Variants in NUMA1 observed in about 807,000 individuals in gnomAD.
NUMA1 encodes nuclear mitotic apparatus protein 1, also known as SP-H antigen.
Under a neutral mutation model 237.1 loss-of-function variants are expected in NUMA1, and 62 were observed. The ratio of observed to expected loss-of-function variants is 0.26; its 90% CI spans 0.21 to 0.32. The LOEUF (loss-of-function observed/expected upper bound fraction) is 0.32, where lower values mean the gene tolerates loss of function less well. Ranked by LOEUF, NUMA1 falls within the 10% of genes least tolerant of loss-of-function variation. The probability of loss-of-function intolerance (pLI) is 1.00; values close to 1 mark genes in which losing one functional copy is unlikely to be tolerated. For missense variants in NUMA1, 2,533 were observed against 2,666.5 expected, an observed-to-expected ratio of 0.95 and a Z score of 1.10; for synonymous variants, 1,028 against 1,066.1, an observed-to-expected ratio of 0.96 and a Z score of 0.70.
chr11:72,071,068 A>G (rs1943429252), intron 1 of NUMA1, among the ~76,000 whole-genome samples: 2 of 152,332 alleles, frequency 1.3e-5, no homozygotes, highest in South Asian at 4.1e-4. Flanking sequence ...GAACCCTCAA[A>G]GTCACTTTTC....
chr11:72,052,985 A>G (rs1258609098), intron 2 of NUMA1, among the ~76,000 whole-genome samples: 1 of 152,212 alleles, frequency 6.6e-6, no homozygotes, highest in Non-Finnish European at 1.5e-5. Context: ...GGCTAAGATT[A>G]CAAGGTCTGA....
intron 20 of NUMA1, 68 bp from the exon 21 acceptor site, chr11:72,007,503 A>G: frequency 6.4e-7 from 1 of 1,571,246 alleles, no homozygotes. Context: ...GCCCTTTTTG[A>G]AAGTGACCAT....
intron 3 of NUMA1, among the ~76,000 whole-genome samples, chr11:72,029,503 G>A (rs1940017827): frequency 6.6e-6 from 1 of 152,140 alleles, no homozygotes; most frequent in African/African-American, 2.4e-5. Context: ...CCCTTCCTTT[G>A]GCTTCAACTA....
rs149184541 is a variant in NUMA1 at position 72,014,588 on chromosome 11, C to T, written c.2915G>A (p.Arg972Gln). The T allele has an allele frequency of 0.011, 17,330 of 1,605,380 alleles. 120 individuals carry two copies. The highest frequency in any genetic ancestry group is 0.013 in the Non-Finnish European group (15,681 of 1,179,982). Residue 972 changes from arginine (R) to glutamine (Q), a missense_variant, in exon 15 of 27, where the codon CGG becomes CAG. This residue lies in a region of NUMA1 where 1,414 missense variants were observed against 1,508.1 expected (regional missense o/e 0.94). Transcript: ENST00000393695. The surrounding 1 kb of genome is among the most constrained non-coding windows in gnomAD (Gnocchi z 4.6). ...CTCATTGCCCATCTGCTCTGCCTCCCGCTCCATAGCCTGCAGCGCTGCCTG... is the reference window on the plus strand; with the variant it reads ...CTCATTGCCCATCTGCTCTGCCTCCTGCTCCATAGCCTGCAGCGCTGCCTG... ...STQAALQAME[R>Q]EAEQMGNELE...
chr11:72,046,437 G>A (rs936782221), intron 2 of NUMA1, among the ~76,000 whole-genome samples: 11 of 152,128 alleles, frequency 7.2e-5, no homozygotes, highest in Admixed American at 3.9e-4. Context: ...CCAGCTATTC[G>A]GGAGGCTGAG....
At chr11:72,018,673 A>G (rs1238408286) in intron 10 of NUMA1, 150 bp downstream of exon 10, 1 of 1,116,032 alleles carries the variant, frequency 9.0e-7, no homozygotes. Flanking sequence ...GGGGACAAAG[A>G]CAGAACCTAG....
rs759123472 is a variant in NUMA1 at position 72,007,297 on chromosome 11, G to T, written c.5355C>A (p.Pro1785=). 63 of 1,613,242 alleles carry T rather than the reference G, an allele frequency of 3.9e-5. No individual in the cohort carries two copies. Among genetic ancestry groups the T allele is most frequent in the Non-Finnish European group, 5.2e-5 (61 of 1,179,768 alleles). The change falls in exon 21 of 27, where the codon CCC becomes CCA. Residue 1785 remains proline (P), a synonymous_variant. Transcript: ENST00000393695. ...FTPIPARSQA[P]LESSLDSLGD... ...CCAGGGAGTCCAGGCTGCTCTCCAG[G>T]GGGGCCTGACTCCGAGCAGGGATGG...
rs780282425 is a variant in NUMA1, at chr11:72,013,887, C to T, written c.3616G>A (p.Glu1206Lys). The T allele has an allele frequency of 9.9e-6, 16 of 1,613,972 alleles. No individual in the cohort carries two copies. Among genetic ancestry groups the T allele is most frequent in the Non-Finnish European group, 1.3e-5 (15 of 1,180,038 alleles). ...RTKVQDHSKA[E>K]DEWKAQVARG... ...GCCACCTGGGCCTTCCACTCATCTTCAGCCTTGCTGTGGTCTTGTACCTTG... is the reference window on the plus strand; with the variant it reads ...GCCACCTGGGCCTTCCACTCATCTTTAGCCTTGCTGTGGTCTTGTACCTTG... Residue 1206 changes from glutamate to lysine, a missense_variant, in exon 15 of 27, where the codon GAA (glutamate) becomes AAA (lysine). Glu to Lys is a moderately conservative substitution (Grantham distance 56, BLOSUM62 1). This residue lies in a region of NUMA1 where 1,414 missense variants were observed against 1,508.1 expected (regional missense o/e 0.94). Coordinates refer to ENST00000393695, the MANE Select transcript of NUMA1 (RefSeq NM_006185.4). This position sits in a 1 kb window ranked among gnomAD's most constrained non-coding sequence, Gnocchi z 6.8.
chr11:72,009,683 G>A (rs550801823), intron 17 of NUMA1, among the ~76,000 whole-genome samples: 312 of 151,490 alleles, frequency 2.1e-3, no homozygotes, highest in Non-Finnish European at 3.1e-3. Context: ...ACAATCTCCC[G>A]TAGGAGGAAG....
At chr11:72,021,770 A>AT (rs1210872749) in intron 7 of NUMA1, among the ~76,000 whole-genome samples, 1 of 151,976 alleles carries the variant, frequency 6.6e-6, no homozygotes, top group African/African-American at 2.4e-5. Context: ...CACCCAGCTC[A>AT]TTTTTTTTAA....
intron 1 of NUMA1, among the ~76,000 whole-genome samples, chr11:72,075,347 T>A (rs917233882): frequency 2.0e-5 from 3 of 152,176 alleles, no homozygotes; most frequent in African/African-American, 7.2e-5. Flanking sequence ...AGGGACTTCC[T>A]CCTTCTTGTA....
intron 2 of NUMA1, among the ~76,000 whole-genome samples, chr11:72,054,510 T>C (rs759106787): frequency 1.3e-5 from 2 of 152,094 alleles, no homozygotes; most frequent in Admixed American, 1.3e-4. Context: ...CAATTTCCAT[T>C]CATTTGAACA....
At chr11:72,049,185 T>C (rs1942168786) in intron 2 of NUMA1, among the ~76,000 whole-genome samples, 1 of 152,108 alleles carries the variant, frequency 6.6e-6, no homozygotes. Flanking sequence ...TCAACATATC[T>C]AGCACAATGT....
At position 72,012,802 on chromosome 11, in the gene NUMA1, G is replaced by A. The variant is rs188333769; in HGVS notation, c.4608+93C>T. The A allele has an allele frequency of 1.4e-5, 21 of 1,513,196 alleles. No homozygotes were observed. In the East Asian group the frequency reaches 4.5e-4, roughly 33 times the overall value. 93.7% of individuals were successfully genotyped at this position (1,513,196 alleles called of 1,614,324 possible). A position where few individuals can be genotyped will look rare whatever the true frequency, so the allele number is the denominator to read the frequency against. ...GAATGAGGAAAGGCAAGACACTCCA[G>A]TGTAGGAGCTAGAGGCCCTGGACAC... On this transcript the variant is annotated intron_variant, in intron 15 of 26. Coordinates refer to ENST00000393695, the MANE Select transcript of NUMA1 (RefSeq NM_006185.4).
chr11:72,014,095 G>C lies in NUMA1; in HGVS notation c.3408C>G (p.Cys1136Trp). The C allele has an allele frequency of 6.2e-7, 1 of 1,611,080 alleles. No homozygotes were observed. Among genetic ancestry groups the C allele is most frequent in the East Asian group, 2.2e-5 (1 of 44,882 alleles). Reference protein sequence around the residue: ...RAEVSKLEQQCQKQQEQADSL... With the variant: ...RAEVSKLEQQWQKQQEQADSL... ...TGTCAGCCTGCTCCTGCTGCTTCTGGCATTGCTGTTCCAGCTTGCTCACCT... is the reference window on the plus strand; with the variant it reads ...TGTCAGCCTGCTCCTGCTGCTTCTGCCATTGCTGTTCCAGCTTGCTCACCT... Residue 1136 changes from cysteine to tryptophan, a missense_variant, in exon 15 of 27, where the codon TGC (cysteine) becomes TGG (tryptophan). Physicochemically the swap from Cys to Trp is radical, Grantham distance 215 (BLOSUM62 -2). Coordinates refer to ENST00000393695, the MANE Select transcript of NUMA1 (RefSeq NM_006185.4). This position sits in a 1 kb window ranked among gnomAD's most constrained non-coding sequence, Gnocchi z 4.6.
chr11:72,017,587 G>T, intron 13 of NUMA1, 100 bp downstream of exon 13: 1 of 1,417,818 alleles, frequency 7.1e-7, no homozygotes, highest in Non-Finnish European at 9.9e-7. Context: ...TGAAGAGAAA[G>T]CAACTTAATA....
Position 72,016,036 on chromosome 11 carries a change from G to A in NUMA1, c.1467C>T (p.Ser489=), listed in dbSNP as rs773781700. The change falls in exon 15 of 27, where the codon TCC becomes TCT. Residue 489 remains serine, a synonymous_variant. Coordinates refer to ENST00000393695, the MANE Select transcript of NUMA1 (RefSeq NM_006185.4). ...CAGTCAACCGGGCCCCATGAGCCTG[G>A]GAGGCCTGCTCCAGCTCTTCCTTGG... ...SQAKEELEQA[S]QAHGARLTAQ... The A allele has an allele frequency of 1.2e-6, 2 of 1,613,984 alleles. No homozygotes were observed. The highest frequency in any genetic ancestry group is 4.5e-5 in the East Asian group (2 of 44,896).
intron 2 of NUMA1, among the ~76,000 whole-genome samples, chr11:72,059,025 T>C (rs1344041134): frequency 1.3e-5 from 2 of 152,134 alleles, no homozygotes; most frequent in Non-Finnish European, 2.9e-5. Context: ...AAACTCCCTC[T>C]TCATTAAGCC....
chr11:72,041,118 T>C (rs1189973434), intron 2 of NUMA1: 1 of 152,174 alleles, frequency 6.6e-6, no homozygotes, highest in Non-Finnish European at 1.5e-5. Flanking sequence ...GCGATCTTCC[T>C]GGCTGACAGC....
Sources: allele counts gnomAD v4.1 joint callset (sites outside exome capture counted in the v4.1 genomes callset), GRCh38; gene constraint gnomAD v4.1.1; regional missense constraint gnomAD v4.1.1; non-coding constraint Gnocchi (gnomAD v3.1); transcripts MANE v1.5; gene names NCBI Gene and HGNC (gene_info 2026-07-23, HGNC 2026-07-21).